Variants in AKAP13 observed in about 807,000 individuals in gnomAD.
AKAP13 encodes A-kinase anchoring protein 13.
Under a neutral mutation model 264.5 loss-of-function variants are expected in AKAP13, and 80 were observed. The ratio of observed to expected loss-of-function variants is 0.30; its 90% CI spans 0.25 to 0.36. The LOEUF (loss-of-function observed/expected upper bound fraction) is 0.36. AKAP13 is among the 10% of genes least tolerant of loss of function. AKAP13 has a pLI of 1.00. For synonymous variants in AKAP13, 1,380 were observed against 1,250.2 expected (o/e 1.10, Z -2.19); for missense variants, 3,712 against 3,435.2 (o/e 1.08, Z -2.01).
intron 1 of AKAP13, among the ~76,000 whole-genome samples, chr15:85,412,346 T>G (rs1192783010): frequency 1.3e-5 from 2 of 152,178 alleles, no homozygotes; most frequent in African/African-American, 4.8e-5. Flanking sequence ...TGAGGCAAAA[T>G]TTTAAAAATG....
At chr15:85,688,617 AGTT>A (rs2085081508) in intron 16 of AKAP13, among the ~76,000 whole-genome samples, 1 of 152,238 alleles carries the variant, frequency 6.6e-6, no homozygotes, top group South Asian at 2.1e-4. Flanking sequence ...GATGATAAAC[AGTT>A]CTTAAACATG....
intron 13 of AKAP13, among the ~76,000 whole-genome samples, chr15:85,666,089 A>AG (rs1217865545): frequency 6.6e-6 from 1 of 152,214 alleles, no homozygotes; most frequent in Non-Finnish European, 1.5e-5. Context: ...TAGATCCTTG[A>AG]GGAATCGCCA....
chr15:85,721,293 C>T (rs2087266295), intron 23 of AKAP13, among the ~76,000 whole-genome samples: 1 of 152,204 alleles, frequency 6.6e-6, no homozygotes, highest in Non-Finnish European at 1.5e-5. Flanking sequence ...TCAGCTCCTC[C>T]ATTGGTAAAT....
chr15:85,575,509 C>T (rs759282979), intron 6 of AKAP13, among the ~76,000 whole-genome samples, 180 bp downstream of exon 6: 2 of 152,004 alleles, frequency 1.3e-5, no homozygotes, highest in East Asian at 1.9e-4. Context: ...CTGGCTAACA[C>T]GGTGAAACCC....
intron 1 of AKAP13, among the ~76,000 whole-genome samples, chr15:85,461,448 G>C (rs1450015879): frequency 1.3e-5 from 2 of 152,058 alleles, no homozygotes; most frequent in African/African-American, 4.8e-5. Context: ...TCAGAACTTT[G>C]CACAGTGCTA....
At chr15:85,506,813 G>C (rs555570204) in intron 2 of AKAP13, among the ~76,000 whole-genome samples, 1 of 152,122 alleles carries the variant, frequency 6.6e-6, no homozygotes, top group African/African-American at 2.4e-5. Flanking sequence ...CGTTTCATGG[G>C]CCCCCTTGGT....
At chr15:85,433,548 C>A (rs1282797234) in intron 1 of AKAP13, among the ~76,000 whole-genome samples, 1 of 152,030 alleles carries the variant, frequency 6.6e-6, no homozygotes, top group Non-Finnish European at 1.5e-5. Flanking sequence ...AACTCCTTAG[C>A]CTTTGTTTTT....
chr15:85,731,463 G>C (rs1307100182), intron 30 of AKAP13, among the ~76,000 whole-genome samples: 2 of 151,814 alleles, frequency 1.3e-5, no homozygotes, highest in East Asian at 3.9e-4. Flanking sequence ...TGAACAATCT[G>C]AGCTTTTTGA....
chr15:85,528,532 A>G (rs1288433606), intron 3 of AKAP13, among the ~76,000 whole-genome samples: 1 of 152,220 alleles, frequency 6.6e-6, no homozygotes, highest in Non-Finnish European at 1.5e-5. Flanking sequence ...TGTTTTTAAC[A>G]ATCCGTAAGG....
intron 8 of AKAP13, among the ~76,000 whole-genome samples, chr15:85,611,157 G>A (rs2080601550): frequency 6.6e-6 from 1 of 152,152 alleles, no homozygotes; most frequent in Non-Finnish European, 1.5e-5. Flanking sequence ...ATTTCGCACT[G>A]TTTACTATCC....
chr15:85,477,861 G>C (rs994176538), intron 1 of AKAP13, among the ~76,000 whole-genome samples: 1 of 152,092 alleles, frequency 6.6e-6, no homozygotes, highest in Admixed American at 6.5e-5. Flanking sequence ...GGATTGACCT[G>C]GATGCCTCTT....
chr15:85,406,676 T>C (rs1267913919), intron 1 of AKAP13, among the ~76,000 whole-genome samples: 2 of 151,642 alleles, frequency 1.3e-5, no homozygotes, highest in Admixed American at 6.6e-5. Flanking sequence ...AAACTACTTA[T>C]GTTATTTGTG....
chr15:85,496,429 G>A (rs776818225), intron 2 of AKAP13, among the ~76,000 whole-genome samples: 6 of 152,250 alleles, frequency 3.9e-5, no homozygotes, highest in South Asian at 2.1e-4. Context: ...GCATGCAAAC[G>A]GAGATACTGT....
intron 1 of AKAP13, among the ~76,000 whole-genome samples, chr15:85,420,498 A>G (rs2072474541): frequency 6.6e-6 from 1 of 152,162 alleles, no homozygotes; most frequent in Admixed American, 6.6e-5. Context: ...TTTATTCAAT[A>G]TGAAGCAATT....
intron 1 of AKAP13, among the ~76,000 whole-genome samples, chr15:85,414,134 A>G (rs957814949): frequency 1.3e-5 from 2 of 152,154 alleles, no homozygotes; most frequent in African/African-American, 4.8e-5. Flanking sequence ...TCCGATGTTC[A>G]TACTGTCTCT....
chr15:85,743,393 C>T, intron 35 of AKAP13, 99 bp from the exon 36 acceptor site: 12 of 1,331,820 alleles, frequency 9.0e-6, no homozygotes, highest in Non-Finnish European at 1.2e-5. Flanking sequence ...GGTAAGTACC[C>T]AGCCAGCACA....
At chr15:85,651,039 G>A (rs1333811928) in intron 10 of AKAP13, among the ~76,000 whole-genome samples, 3 of 152,024 alleles carry the variant, frequency 2.0e-5, no homozygotes, top group African/African-American at 7.2e-5. Context: ...TAAAGGACTA[G>A]TATTTTGGCA....
At chr15:85,744,456 T>G in intron 36 of AKAP13, 172 bp from the exon 37 acceptor site, 1 of 693,480 alleles carries the variant, frequency 1.4e-6, no homozygotes, top group Non-Finnish European at 2.6e-6. Flanking sequence ...AGGATATCAC[T>G]TAAGAACCTT....
chr15:85,524,473 C>T (rs892572495), intron 3 of AKAP13, among the ~76,000 whole-genome samples: 1 of 151,604 alleles, frequency 6.6e-6, no homozygotes, highest in African/African-American at 2.4e-5. Context: ...CGTGCCCAGC[C>T]TCTTCTTGCT....
Sources: gnomAD v4.1 joint callset for allele counts (sites outside exome capture counted in the v4.1 genomes callset) on GRCh38, gnomAD v4.1.1 for gene constraint, MANE v1.5 for transcripts, NCBI Gene and HGNC (gene_info 2026-07-23, HGNC 2026-07-21) for gene names.